DCDC2: variants seen among roughly 807,000 people sequenced by gnomAD.
DCDC2 encodes the protein doublecortin domain containing 2.
DCDC2 carries 40 observed loss-of-function variants against 50.2 expected under a neutral mutation model. The ratio of observed to expected loss-of-function variants is 0.80; its 90% CI spans 0.62 to 1.04. DCDC2 has a LOEUF of 1.04. Among genes scored for constraint, DCDC2 ranks in the 50% least tolerant of loss-of-function variants. DCDC2 has a pLI of 0.00. For missense variants in DCDC2, 570 were observed against 581.9 expected (o/e 0.98, Z 0.21); for synonymous variants, 234 against 210.6 (o/e 1.11, Z -0.96).
chr6:24,339,590 T>A (rs944482396), intron 2 of DCDC2, among the ~76,000 whole-genome samples: 1 of 152,194 alleles, frequency 6.6e-6, no homozygotes, highest in Admixed American at 6.5e-5. Flanking sequence ...GCAGAGACCA[T>A]AGATCAATTC....
At chr6:24,213,510 C>T (rs1761920260) in intron 7 of DCDC2, among the ~76,000 whole-genome samples, 1 of 152,112 alleles carries the variant, frequency 6.6e-6, no homozygotes, top group South Asian at 2.1e-4. Context: ...TGTGTCACCT[C>T]AGTCACCAGA....
At chr6:24,223,782 C>T (rs540328741) in intron 7 of DCDC2, among the ~76,000 whole-genome samples, 1 of 152,226 alleles carries the variant, frequency 6.6e-6, no homozygotes, top group East Asian at 1.9e-4. Context: ...ACAGTTGCCA[C>T]TTTGGCCAGT....
chr6:24,230,569 G>A (rs560863039), intron 7 of DCDC2, among the ~76,000 whole-genome samples: 25 of 152,216 alleles, frequency 1.6e-4, no homozygotes, highest in African/African-American at 5.1e-4. Flanking sequence ...GCTTGAGCCC[G>A]GGAGTTCGAG....
In DCDC2 at chr6:24,304,703, C is replaced by T. The variant is rs189784444; in HGVS notation, c.349-2659G>A. On this transcript the variant is annotated intron_variant, in intron 2 of 9. Coordinates refer to ENST00000378454, the MANE Select transcript of DCDC2 (RefSeq NM_016356.5). ...AGCACATACATACAATTTTTAAATGCGCTGATGGCCTGCTTTACCAATTCT... is the reference window on the plus strand; with the variant it reads ...AGCACATACATACAATTTTTAAATGTGCTGATGGCCTGCTTTACCAATTCT... 5.2e-4 allele frequency among the ~76,000 whole-genome samples: 79 copies of T among 152,232 alleles called. 1 individual carries two copies. In the East Asian group the frequency reaches 0.013, roughly 24 times the overall value.
At chr6:24,207,602 C>G (rs1433497372) in intron 7 of DCDC2, among the ~76,000 whole-genome samples, 1 of 152,042 alleles carries the variant, frequency 6.6e-6, no homozygotes, top group Non-Finnish European at 1.5e-5. Context: ...GTTTTGTATC[C>G]CATGGAGACC....
rs925465087 is a variant in DCDC2 at position 24,215,895 on chromosome 6, G to A, written c.923-10793C>T. Among the ~76,000 whole-genome samples, 5 of 152,194 alleles carry A rather than the reference G, an allele frequency of 3.3e-5. No individual in the cohort carries two copies. In the East Asian group the frequency reaches 7.7e-4, roughly 23 times the overall value. On this transcript the variant is annotated intron_variant, in intron 7 of 9. Transcript: ENST00000378454. The stretch of plus-strand genomic sequence containing the variant: ...TGAATACTTGTATTGGCAGGACTCC[G>A]TGACTGCCAGGATGTGAGAGTTGAG...
At chr6:24,285,029 C>A (rs954591616) in intron 6 of DCDC2, among the ~76,000 whole-genome samples, 1 of 152,042 alleles carries the variant, frequency 6.6e-6, no homozygotes, top group Admixed American at 6.6e-5. Flanking sequence ...CCCATCCATA[C>A]CCTCCCCCCC....
At chr6:24,343,126 C>A (rs1220301914) in intron 2 of DCDC2, among the ~76,000 whole-genome samples, 3 of 150,246 alleles carry the variant, frequency 2.0e-5, no homozygotes, top group Non-Finnish European at 4.4e-5. Flanking sequence ...CAGCTCACTG[C>A]AAGCTCCGTC....
At chr6:24,359,405 T>TTATATATTATATATTATATATATTTA (rs1760608544), upstream of DCDC2, among the ~76,000 whole-genome samples, 2 of 63,146 alleles carry the variant, frequency 3.2e-5, no homozygotes, top group African/African-American at 1.3e-4. Flanking sequence ...TATATATATT[T>TTATATATTATATATTATATATATTTA]TATATATTAT....
intron 8 of DCDC2, among the ~76,000 whole-genome samples, chr6:24,180,320 T>C (rs916856806): frequency 6.6e-6 from 1 of 152,108 alleles, no homozygotes; most frequent in African/African-American, 2.4e-5. Context: ...AGTCTTGCTC[T>C]GTCGCCCTGG....
At chr6:24,359,369 T>TTATATATATTTTA, upstream of DCDC2, among the ~76,000 whole-genome samples, 1 of 77,096 alleles carries the variant, frequency 1.3e-5, no homozygotes, top group Non-Finnish European at 2.2e-5. Context: ...ATATTATATA[T>TTATATATATTTTA]TATATATATT....
intron 8 of DCDC2, among the ~76,000 whole-genome samples, chr6:24,193,542 A>C (rs1761354941): frequency 6.6e-6 from 1 of 152,186 alleles, no homozygotes; most frequent in South Asian, 2.1e-4. Flanking sequence ...ACAGGTACAT[A>C]TAAAACAAAG....
intron 7 of DCDC2, among the ~76,000 whole-genome samples, chr6:24,257,312 A>G (rs772365725): frequency 2.0e-5 from 3 of 152,230 alleles, no homozygotes; most frequent in Non-Finnish European, 4.4e-5. Context: ...CAAGCTCTTC[A>G]GAGAGCTTTG....
intron 2 of DCDC2, among the ~76,000 whole-genome samples, chr6:24,302,309 CAG>C (rs1743537969): frequency 1.6e-5 from 2 of 125,866 alleles, no homozygotes; most frequent in Admixed American, 8.0e-5. Flanking sequence ...AAAAAAAAAA[CAG>C]AAATCATTTT....
chr6:24,336,852 T>C (rs1028768556), intron 2 of DCDC2, among the ~76,000 whole-genome samples: 6 of 152,226 alleles, frequency 3.9e-5, no homozygotes, highest in African/African-American at 7.2e-5. Context: ...ATTTACTGAA[T>C]TCTAAATATG....
intron 2 of DCDC2, among the ~76,000 whole-genome samples, chr6:24,328,461 T>C (rs1759913068): frequency 6.6e-6 from 1 of 152,190 alleles, no homozygotes; most frequent in South Asian, 2.1e-4. Flanking sequence ...TTTGTATAGT[T>C]TGAATGTCCC....
At chr6:24,210,066 G>GCC (rs1561891614) in intron 7 of DCDC2, among the ~76,000 whole-genome samples, 4 of 150,860 alleles carry the variant, frequency 2.7e-5, no homozygotes, top group African/African-American at 7.4e-5. Context: ...CTGTCTGTCT[G>GCC]TCTGTCTGCC....
chr6:24,234,225 G>T (rs1046500296), intron 7 of DCDC2, among the ~76,000 whole-genome samples: 1 of 111,688 alleles, frequency 9.0e-6, no homozygotes, highest in African/African-American at 2.6e-5. Flanking sequence ...TTTTAAAGGA[G>T]ACCATAAAAA....
At chr6:24,362,161 T>G (rs1490724687), upstream of DCDC2, among the ~76,000 whole-genome samples, 1 of 151,958 alleles carries the variant, frequency 6.6e-6, no homozygotes, top group Non-Finnish European at 1.5e-5. Context: ...ATTTATTATC[T>G]TTGTTTTCAA....
Sources: allele counts gnomAD v4.1 joint callset (sites outside exome capture counted in the v4.1 genomes callset), GRCh38; gene constraint gnomAD v4.1.1; transcripts MANE v1.5; gene names NCBI Gene and HGNC (gene_info 2026-07-23, HGNC 2026-07-21).